Variants in GRIP2 observed in about 807,000 individuals in gnomAD.
The protein encoded by GRIP2 is glutamate receptor interacting protein 2.
In GRIP2, 58 loss-of-function variants were observed where a neutral mutation model predicts 108.3. The observed-to-expected ratio is 0.54, with a 90% CI of 0.43 to 0.67. GRIP2 has a LOEUF of 0.67. GRIP2 is among the 30% of genes least tolerant of loss of function. The pLI is 0.00. For synonymous variants in GRIP2, 586 were observed against 598.2 expected (o/e 0.98, Z 0.30); for missense variants, 1,278 against 1,430.6 (o/e 0.89, Z 1.72).
At position 14,517,913 on chromosome 3, in the gene GRIP2, A is replaced by G; in HGVS notation, c.1031-16T>C. The G allele has an allele frequency of 6.5e-7, 1 of 1,529,060 alleles. No homozygotes were observed. Among genetic ancestry groups the G allele is most frequent in the Non-Finnish European group, 8.8e-7 (1 of 1,136,584 alleles). 94.7% of individuals were successfully genotyped at this position (1,529,060 alleles called of 1,614,324 possible). On this transcript the variant is annotated splice_polypyrimidine_tract_variant and intron_variant, in intron 9 of 23. Transcript: ENST00000621039. ...TGCACTTTCACTGTAGCCAGCGGAG[A>G]AAGAGGAAAGAGAGGTGCAGGCGTT...
chr3:14,562,244 A>G, the GRIP2 span, among the ~76,000 whole-genome samples: 1 of 152,196 alleles, frequency 6.6e-6, no homozygotes, highest in Non-Finnish European at 1.5e-5. Flanking sequence ...TGCAGGGCTG[A>G]GGCAGGGAAA....
chr3:14,537,123 G>A (rs1251976469), intron 1 of GRIP2, among the ~76,000 whole-genome samples: 4 of 152,192 alleles, frequency 2.6e-5, no homozygotes, highest in African/African-American at 9.6e-5. Flanking sequence ...GCACTCTAAA[G>A]GGAGGTGAAG....
At chr3:14,554,745 C>G (rs1002324430) in intron 1 of GRIP2, among the ~76,000 whole-genome samples, 11 of 151,990 alleles carry the variant, frequency 7.2e-5, no homozygotes, top group African/African-American at 2.4e-4. Flanking sequence ...TGGCTGGAGA[C>G]AGCCTCAGTG....
Position 14,490,515 on chromosome 3 carries a change from C to T in GRIP2, c.*3150G>A, listed in dbSNP as rs1010507466. 1 of 152,440 alleles carries T rather than the reference C, an allele frequency of 6.6e-6. No homozygotes were observed. 9.4% of individuals were successfully genotyped at this position (152,440 alleles called of 1,614,324 possible). A position where few individuals can be genotyped will look rare whatever the true frequency, so the allele number is the denominator to read the frequency against. On this transcript the variant is annotated 3_prime_UTR_variant, in exon 24 of 24. Transcript: ENST00000621039. ...TGGACACTCCAGGGCAGCAGCCAGACCTGAGGCTGCCCTCCTGCCACTACC... is the reference window on the plus strand; with the variant it reads ...TGGACACTCCAGGGCAGCAGCCAGATCTGAGGCTGCCCTCCTGCCACTACC...
At chr3:14,551,937 A>G (rs1180264516) in intron 1 of GRIP2, among the ~76,000 whole-genome samples, 2 of 152,234 alleles carry the variant, frequency 1.3e-5, no homozygotes, top group Non-Finnish European at 2.9e-5. Context: ...GTACATGGGA[A>G]GTGCCTGGCA....
chr3:14,574,292 C>T, the GRIP2 span: 2 of 970,440 alleles, frequency 2.1e-6, no homozygotes, highest in Non-Finnish European at 3.3e-6. Flanking sequence ...GCCGTCCCAC[C>T]ATGCTCAGCC....
At chr3:14,510,660 C>A (rs113835766) in intron 16 of GRIP2, among the ~76,000 whole-genome samples, 244 of 152,292 alleles carry the variant, frequency 1.6e-3, no homozygotes, top group African/African-American at 5.6e-3. Flanking sequence ...TTGGAGGCTG[C>A]CCCTTTGAAT....
chr3:14,534,943 G>A (rs949148885), intron 1 of GRIP2, among the ~76,000 whole-genome samples: 1 of 152,136 alleles, frequency 6.6e-6, no homozygotes, highest in Non-Finnish European at 1.5e-5. Context: ...GTGGGGGAGT[G>A]GGTGGGACTA....
At chr3:14,592,940 C>T in the GRIP2 span, among the ~76,000 whole-genome samples, 2 of 152,114 alleles carry the variant, frequency 1.3e-5, no homozygotes, top group African/African-American at 4.8e-5. Flanking sequence ...CTGACTCGTG[C>T]CCTTCTCCCA....
At chr3:14,526,438 C>T (rs549392716) in intron 1 of GRIP2, among the ~76,000 whole-genome samples, 36 of 152,294 alleles carry the variant, frequency 2.4e-4, no homozygotes, top group African/African-American at 8.2e-4. Context: ...CTGACCGAGA[C>T]GAAACTCAAT....
chr3:14,512,661 TC>T lies in GRIP2; in HGVS notation c.1720+115del. ...AGCCTCCCCACACCCCCAAGCCTTT[TC>T]CTCGGGCCCCGCAGGGTGTCACGCC... On this transcript the variant is annotated intron_variant, in intron 14 of 23. Transcript: ENST00000621039. This position sits in a 1 kb window ranked among gnomAD's most constrained non-coding sequence, Gnocchi z 5.1. 1.0e-6 allele frequency: 1 copy of T among 961,240 alleles called. No individual in the cohort carries two copies. Among genetic ancestry groups the T allele is most frequent in the East Asian group, 2.6e-5 (1 of 37,962 alleles). 59.5% of individuals were successfully genotyped at this position (961,240 alleles called of 1,614,324 possible).
intron 1 of GRIP2, among the ~76,000 whole-genome samples, chr3:14,539,097 C>A (rs1277711534): frequency 6.6e-6 from 1 of 152,240 alleles, no homozygotes; most frequent in Non-Finnish European, 1.5e-5. Context: ...GGGTCAAATC[C>A]CAGCTTTGTC....
chr3:14,503,501 TGC>T, intron 21 of GRIP2, 63 bp downstream of exon 21: 1 of 1,132,138 alleles, frequency 8.8e-7, no homozygotes. Flanking sequence ...TTCCTCCCAT[TGC>T]ACACACACCA....
In GRIP2 at chr3:14,493,423, G is replaced by A. The variant is rs1220237893; in HGVS notation, c.*242C>T. On this transcript the variant is annotated 3_prime_UTR_variant, in exon 24 of 24. Coordinates refer to ENST00000621039, the MANE Select transcript of GRIP2 (RefSeq NM_001080423.4). ...ACCCTTCTTAAGGGAGGCTCCTCTG[G>A]GCATCTTGGAGACCCAACTTGGCGA... The A allele has an allele frequency of 1.9e-6, 1 of 522,878 alleles. No homozygotes were observed. Among genetic ancestry groups the A allele is most frequent in the Non-Finnish European group, 3.4e-6 (1 of 296,768 alleles). The allele number at this position is 522,878 out of a possible 1,614,324, so 32.4% of individuals were successfully genotyped here. A position where few individuals can be genotyped will look rare whatever the true frequency, so the allele number is the denominator to read the frequency against.
chr3:14,553,106 CTT>C (rs35902290), intron 1 of GRIP2, among the ~76,000 whole-genome samples: 56,985 of 131,284 alleles, frequency 0.43, 12,159 homozygotes, highest in East Asian at 0.51. Flanking sequence ...ATTTTCTTTC[CTT>C]TTTTTTTTTT....
chr3:14,528,706 A>C (rs529109638), intron 1 of GRIP2, among the ~76,000 whole-genome samples: 141 of 151,704 alleles, frequency 9.3e-4, no homozygotes, highest in African/African-American at 3.3e-3. Flanking sequence ...TAAAAAAAAA[A>C]ATTAGTCATG....
chr3:14,576,646 G>A, the GRIP2 span, among the ~76,000 whole-genome samples: 8 of 152,328 alleles, frequency 5.3e-5, no homozygotes, highest in East Asian at 7.7e-4. Context: ...CTCCTGCCAC[G>A]TACAGCCTGA....
intron 1 of GRIP2, among the ~76,000 whole-genome samples, chr3:14,534,964 C>T (rs34002415): frequency 0.18 from 26,800 of 151,966 alleles, 2,436 homozygotes; most frequent in Middle Eastern, 0.19. Context: ...TAAAGTCAGC[C>T]GGCTTTGACT....
rs754822253 is a variant in GRIP2 at position 14,509,916 on chromosome 3, C to T, written c.1982G>A (p.Arg661His). ...GAVSYTVELK[R>H]YGGPLGITIS... ...GGTGATGCCCAGGGGACCCCCGTAG[C>T]GCTTCAGCTCCACTGTGTAACTGAC... Residue 661 changes from arginine (R) to histidine (H), a missense_variant, in exon 17 of 24, where the codon CGC becomes CAC. By Grantham distance (29) the Arg-to-His change is conservative (BLOSUM62 0). Transcript: ENST00000621039. 4.0e-5 allele frequency: 62 copies of T among 1,551,000 alleles called. No homozygotes were observed. In the Admixed American group the frequency reaches 6.2e-4, roughly 16 times the overall value.
Sources: allele counts gnomAD v4.1 joint callset (sites outside exome capture counted in the v4.1 genomes callset), GRCh38; gene constraint gnomAD v4.1.1; non-coding constraint Gnocchi (gnomAD v3.1); transcripts MANE v1.5; gene names NCBI Gene and HGNC (gene_info 2026-07-23, HGNC 2026-07-21).